RNF181: variants seen among roughly 807,000 people sequenced by gnomAD.
The protein encoded by RNF181 is E3 ubiquitin-protein ligase RNF181.
In RNF181, 25 loss-of-function variants were observed where a neutral mutation model predicts 23.3. That is an observed-to-expected ratio of 1.07 (90% CI 0.78 to 1.50). The LOEUF (loss-of-function observed/expected upper bound fraction) is 1.50. Among genes scored for constraint, RNF181 ranks in the 40% most tolerant of loss-of-function variants. The pLI is 0.00. For missense variants in RNF181, 167 were observed against 191.1 expected (o/e 0.87, Z 0.74); for synonymous variants, 62 against 70.9 (o/e 0.87, Z 0.63).
chr2:85,597,368 C>A, intron 4 of RNF181, 77 bp from the exon 5 acceptor site: 1 of 1,517,382 alleles, frequency 6.6e-7, no homozygotes, highest in Non-Finnish European at 8.9e-7. Context: ...ACAGAGCCAG[C>A]CCCATAATAG....
At chr2:85,597,391 T>A in intron 4 of RNF181, 54 bp from the exon 5 acceptor site, 2 of 1,552,382 alleles carry the variant, frequency 1.3e-6, no homozygotes, top group Non-Finnish European at 1.7e-6. Context: ...GCCCATCCCC[T>A]CACCCATAGG....
Position 85,597,140 on chromosome 2 carries a change from A to T in RNF181, c.364A>T (p.Thr122Ser), listed in dbSNP as rs767217569. 1 of 1,614,092 alleles carries T rather than the reference A, an allele frequency of 6.2e-7. No individual in the cohort carries two copies. Among genetic ancestry groups the T allele is most frequent in the Non-Finnish European group, 8.5e-7 (1 of 1,180,008 alleles). ...SCPLCRYELP[T>S]DDDTYEEHRR... ...TCCCTTGTGCCGCTATGAGCTGCCC[A>T]CTGATGACGACACTTATGAGGAGCA... is the stretch of plus-strand genomic sequence containing the variant. Residue 122 changes from threonine to serine, a missense_variant, in exon 4 of 5, where the codon ACT becomes TCT. Thr to Ser is a moderately conservative substitution (Grantham distance 58, BLOSUM62 1). Coordinates refer to ENST00000306368, the MANE Select transcript of RNF181 (RefSeq NM_016494.4).
Position 85,596,943 on chromosome 2 carries a change from CTT to C in RNF181, c.327+13_327+14del. 2 of 1,614,084 alleles carry C rather than the reference CTT, an allele frequency of 1.2e-6. No homozygotes were observed. The highest frequency in any genetic ancestry group is 1.7e-6 in the Non-Finnish European group (2 of 1,180,010). On this transcript the variant is annotated intron_variant, in intron 3 of 4. Coordinates refer to ENST00000306368, the MANE Select transcript of RNF181 (RefSeq NM_016494.4). Reference sequence around the variant, plus strand: ...CCTGGCTAAGCAAGGTACTGCTTCTCTTCTTCTAGCTCTCACCGTGCCCTGGG... The same window carrying C: ...CCTGGCTAAGCAAGGTACTGCTTCTCCTTCTAGCTCTCACCGTGCCCTGGG...
chr2:85,597,510 T>C lies in RNF181; in HGVS notation c.*6T>C, dbSNP rs372976073. ...ATGGAGCCATGTACACGTGAGGAGG[T>C]TGGGGCTGAGTGCTGGCCCTCTGCG... is the stretch of plus-strand genomic sequence containing the variant. On this transcript the variant is annotated 3_prime_UTR_variant, in exon 5 of 5. Transcript: ENST00000306368. The C allele has an allele frequency of 6.7e-4, 1,076 of 1,613,464 alleles. 1 individual carries two copies. The highest frequency in any genetic ancestry group is 8.1e-4 in the Non-Finnish European group (953 of 1,179,828).
chr2:85,597,351 C>T (rs1412441205), intron 4 of RNF181, 94 bp from the exon 5 acceptor site: 1 of 1,481,110 alleles, frequency 6.8e-7, no homozygotes, highest in East Asian at 2.3e-5. Flanking sequence ...ACGCCAGAGG[C>T]CTGAAAACAG....
chr2:85,595,964 T>A, intron 1 of RNF181, 115 bp downstream of exon 1: 1 of 896,758 alleles, frequency 1.1e-6, no homozygotes. Context: ...ATGAGTAATC[T>A]GGAGTGTTAG....
rs201423825 is a variant in RNF181, at chr2:85,595,832, G to A, written c.69G>A (p.Met23Ile). The A allele has an allele frequency of 3.1e-6, 5 of 1,614,018 alleles. No individual in the cohort carries two copies. In the East Asian group the frequency reaches 8.9e-5, roughly 29 times the overall value. ...SDPEQETRTN[M>I]LLELARSLFN... The stretch of plus-strand genomic sequence containing the variant: ...CTGAGCAGGAGACGCGAACCAACAT[G>A]CTGCTGGAGCTCGCAAGGTGGGTGC... Residue 23 changes from methionine to isoleucine, a missense_variant, in exon 1 of 5, where the codon ATG (methionine) becomes ATA (isoleucine). Coordinates refer to ENST00000306368, the MANE Select transcript of RNF181 (RefSeq NM_016494.4).
At chr2:85,597,075 A>C (rs377274206) in intron 3 of RNF181, 29 bp from the exon 4 acceptor site, 3 of 1,614,060 alleles carry the variant, frequency 1.9e-6, no homozygotes, top group African/African-American at 2.7e-5. Flanking sequence ...GATCAGACCA[A>C]GGCTAGAACA....
rs1672685078 is a variant in RNF181, at chr2:85,596,919, C to G, written c.315C>G (p.Pro105=). Residue 105 remains proline, a synonymous_variant, in exon 3 of 5, where the codon CCC becomes CCG. Coordinates refer to ENST00000306368, the MANE Select transcript of RNF181 (RefSeq NM_016494.4). ...TTTTCCATTCCAGCTGCATTCTGCC[C>G]TGGCTAAGCAAGGTACTGCTTCTCT... ...HHLFHSSCIL[P]WLSKTNSCPL... 2 of 1,614,202 alleles carry G rather than the reference C, an allele frequency of 1.2e-6. No homozygotes were observed. The highest frequency in any genetic ancestry group is 1.7e-6 in the Non-Finnish European group (2 of 1,180,038).
intron 4 of RNF181, 34 bp from the exon 5 acceptor site, chr2:85,597,411 T>C: frequency 1.9e-6 from 3 of 1,587,696 alleles, no homozygotes; most frequent in Non-Finnish European, 2.6e-6. Flanking sequence ...GCCTTCAGTT[T>C]TGGCCCCTGC....
chr2:85,596,835 C>T lies in RNF181; in HGVS notation c.231C>T (p.Pro77=), dbSNP rs760145226. The change falls in exon 3 of 5, where the codon CCC becomes CCT. Residue 77 remains proline, a synonymous_variant. Transcript: ENST00000306368. The part of the protein sequence containing the change: ...IRGSQAELKC[P]VCLLEFEEEE... ...TCCTTCCTAAAGAGCTCAAGTGCCC[C>T]GTGTGTCTTTTGGAATTTGAGGAGG... 2 of 1,614,058 alleles carry T rather than the reference C, an allele frequency of 1.2e-6. No individual in the cohort carries two copies. Among genetic ancestry groups the T allele is most frequent in the Admixed American group, 1.7e-5 (1 of 59,996 alleles).
chr2:85,596,797 T>A, intron 2 of RNF181, 25 bp from the exon 3 acceptor site: 6 of 1,612,154 alleles, frequency 3.7e-6, no homozygotes, highest in Non-Finnish European at 4.2e-6. Context: ...GTAGCAGCTC[T>A]CCTGATCAGC....
chr2:85,596,812 C>T lies in RNF181; in HGVS notation c.218-10C>T, dbSNP rs185444882. The T allele has an allele frequency of 2.5e-6, 4 of 1,613,302 alleles. No individual in the cohort carries two copies. In the East Asian group the frequency reaches 8.9e-5, roughly 36 times the overall value. On this transcript the variant is annotated splice_polypyrimidine_tract_variant and intron_variant, in intron 2 of 4. Transcript: ENST00000306368. ...GTAGCAGCTCTCCTGATCAGCACTCCTTCCTAAAGAGCTCAAGTGCCCCGT... is the reference window on the plus strand; with the variant it reads ...GTAGCAGCTCTCCTGATCAGCACTCTTTCCTAAAGAGCTCAAGTGCCCCGT...
At chr2:85,596,478 CAT>C (rs1260269134) in intron 1 of RNF181, 39 bp from the exon 2 acceptor site, 2 of 1,547,886 alleles carry the variant, frequency 1.3e-6, no homozygotes, top group Admixed American at 2.1e-5. Flanking sequence ...AAAGAAAAAG[CAT>C]AGTTTTCCTT....
Position 85,595,844 on chromosome 2 carries a change from C to T in RNF181, c.81C>T (p.Leu27=), listed in dbSNP as rs748958140. 6.2e-6 allele frequency: 10 copies of T among 1,613,618 alleles called. No individual in the cohort carries two copies. Among genetic ancestry groups the T allele is most frequent in the Admixed American group, 1.7e-5 (1 of 59,972 alleles). The change falls in exon 1 of 5, where the codon CTC becomes CTT. Residue 27 remains leucine (L), a synonymous_variant. Coordinates refer to ENST00000306368, the MANE Select transcript of RNF181 (RefSeq NM_016494.4). ...QETRTNMLLE[L]ARSLFNRMDF... ...CGCGAACCAACATGCTGCTGGAGCT[C>T]GCAAGGTGGGTGCGCGGGGCTTGGG...
In RNF181 at chr2:85,596,574, C is replaced by T; in HGVS notation, c.142C>T (p.His48Tyr). The change falls in exon 2 of 5, where the codon CAC (histidine) becomes TAC (tyrosine). Residue 48 changes from histidine (H) to tyrosine (Y), a missense_variant. Transcript: ENST00000306368. Reference sequence around the variant, plus strand: ...CTTGGGGTTGGTAGTAGATTGGGACCACCACCTGCCTCCACCAGCTGCCAA... The same window carrying T: ...CTTGGGGTTGGTAGTAGATTGGGACTACCACCTGCCTCCACCAGCTGCCAA... ...EDLGLVVDWD[H>Y]HLPPPAAKTV... is the part of the protein sequence containing the mutation. 8 of 1,613,976 alleles carry T rather than the reference C, an allele frequency of 5.0e-6. No homozygotes were observed. The highest frequency in any genetic ancestry group is 6.8e-6 in the Non-Finnish European group (8 of 1,179,926).
Position 85,597,687 on chromosome 2 carries a change from G to A in RNF181, c.*183G>A, listed in dbSNP as rs1377537395. 1 of 1,218,672 alleles carries A rather than the reference G, an allele frequency of 8.2e-7. No homozygotes were observed. Among genetic ancestry groups the A allele is most frequent in the African/African-American group, 1.5e-5 (1 of 65,372 alleles). 75.5% of individuals were successfully genotyped at this position (1,218,672 alleles called of 1,614,324 possible). A position where few individuals can be genotyped will look rare whatever the true frequency, so the allele number is the denominator to read the frequency against. ...CCTAAATCGCAGAAGGCACCAGGCT[G>A]CGGTTTTCCTCCCTGCTGGCCCATC... is the stretch of plus-strand genomic sequence containing the variant. On this transcript the variant is annotated 3_prime_UTR_variant, in exon 5 of 5. Coordinates refer to ENST00000306368, the MANE Select transcript of RNF181 (RefSeq NM_016494.4).
In RNF181 at chr2:85,595,989, CTG is replaced by C. The variant is rs971559510; in HGVS notation, c.86+141_86+142del. ...TGGAGTGTTAGTACGGGCGGCGAGA[CTG>C]AGGGGTGTGGGGATGAGCATCTCGA... is the stretch of plus-strand genomic sequence containing the variant. On this transcript the variant is annotated intron_variant, in intron 1 of 4. Transcript: ENST00000306368. The C allele has an allele frequency of 8.0e-6, 6 of 746,376 alleles. No homozygotes were observed. In the African/African-American group the frequency reaches 1.0e-4, roughly 13 times the overall value. The allele number at this position is 746,376 out of a possible 1,614,324, so 46.2% of individuals were successfully genotyped here.
chr2:85,597,317 G>A (rs1483289774), intron 4 of RNF181, 128 bp from the exon 5 acceptor site: 13 of 1,400,398 alleles, frequency 9.3e-6, no homozygotes, highest in Admixed American at 4.4e-5. Context: ...ACTTTGATTT[G>A]TGGTGAGAGC....
Sources: allele counts gnomAD v4.1 joint callset, GRCh38; gene constraint gnomAD v4.1.1; transcripts MANE v1.5; gene names NCBI Gene and HGNC (gene_info 2026-07-23, HGNC 2026-07-21).